SUGCT: variants seen among roughly 807,000 people sequenced by gnomAD.
SUGCT encodes the protein succinyl-CoA:glutarate-CoA transferase.
SUGCT carries 41 observed loss-of-function variants against 55.0 expected under a neutral mutation model. That is an observed-to-expected ratio of 0.74 (90% CI 0.58 to 0.97). The LOEUF is 0.97. Ranked by LOEUF, SUGCT falls within the 50% of genes least tolerant of loss-of-function variation. SUGCT has a pLI of 0.00. For missense variants in SUGCT, 568 were observed against 547.8 expected (o/e 1.04, Z -0.37); for synonymous variants, 187 against 200.4 (o/e 0.93, Z 0.56).
At chr7:40,306,081 C>T (rs1794838758) in intron 8 of SUGCT, among the ~76,000 whole-genome samples, 1 of 152,174 alleles carries the variant, frequency 6.6e-6, no homozygotes, top group Admixed American at 6.5e-5. Context: ...CTCTGAGATA[C>T]CCCTTTGGCT....
intron 9 of SUGCT, among the ~76,000 whole-genome samples, chr7:40,408,226 A>G (rs555521150): frequency 6.6e-6 from 1 of 152,342 alleles, no homozygotes; most frequent in East Asian, 1.9e-4. Flanking sequence ...TATCATATAT[A>G]TTGGAGCTAC....
intron 12 of SUGCT, among the ~76,000 whole-genome samples, chr7:40,699,079 G>C (rs957911646): frequency 6.6e-6 from 1 of 152,146 alleles, no homozygotes; most frequent in Non-Finnish European, 1.5e-5. Flanking sequence ...GTTACAGGGT[G>C]GGGGAGGCAC....
intron 12 of SUGCT, among the ~76,000 whole-genome samples, chr7:40,661,752 C>G (rs1015458478): frequency 2.0e-5 from 3 of 152,162 alleles, no homozygotes; most frequent in Non-Finnish European, 4.4e-5. Context: ...TCTTCTGAAA[C>G]ATGGTCTTTT....
chr7:40,995,682 A>C, the SUGCT span, among the ~76,000 whole-genome samples: 1 of 151,734 alleles, frequency 6.6e-6, no homozygotes, highest in Non-Finnish European at 1.5e-5. Context: ...TCATCACTAT[A>C]ATCATCACGT....
At chr7:40,528,179 C>T (rs1793904885) in intron 12 of SUGCT, among the ~76,000 whole-genome samples, 1 of 152,036 alleles carries the variant, frequency 6.6e-6, no homozygotes, top group Non-Finnish European at 1.5e-5. Context: ...CCTGCAATGC[C>T]CTTAGAACAA....
chr7:40,963,192 T>C, the SUGCT span, among the ~76,000 whole-genome samples: 10 of 152,280 alleles, frequency 6.6e-5, no homozygotes, highest in African/African-American at 2.4e-4. Flanking sequence ...AATATTGGTT[T>C]TTTTTTTGTA....
intron 12 of SUGCT, among the ~76,000 whole-genome samples, chr7:40,685,224 G>T (rs1052240926): frequency 6.6e-6 from 1 of 152,026 alleles, no homozygotes; most frequent in Non-Finnish European, 1.5e-5. Context: ...TTCTGTGTTT[G>T]TTCTAGTAAT....
chr7:40,962,455 A>G, the SUGCT span, among the ~76,000 whole-genome samples: 2 of 152,070 alleles, frequency 1.3e-5, no homozygotes, highest in African/African-American at 4.8e-5. Context: ...GTTTGCCTCA[A>G]GTGGACAGTT....
chr7:40,606,996 TA>T (rs564601975), intron 12 of SUGCT, among the ~76,000 whole-genome samples: 206 of 152,298 alleles, frequency 1.4e-3, no homozygotes, highest in African/African-American at 4.8e-3. Flanking sequence ...TCTAACCTTT[TA>T]ATTAGGAGGG....
intron 12 of SUGCT, among the ~76,000 whole-genome samples, chr7:40,694,312 A>G (rs1417393271): frequency 1.3e-5 from 2 of 152,208 alleles, no homozygotes; most frequent in Admixed American, 1.3e-4. Context: ...GATGGTTTGC[A>G]AAGCATGTGA....
At chr7:40,992,043 A>G in the SUGCT span, among the ~76,000 whole-genome samples, 4 of 152,234 alleles carry the variant, frequency 2.6e-5, no homozygotes, top group Middle Eastern at 3.4e-3. Context: ...CAAGTTTATT[A>G]AGCAAGTAAA....
chr7:40,604,397 C>T (rs1798429665), intron 12 of SUGCT, among the ~76,000 whole-genome samples: 1 of 152,100 alleles, frequency 6.6e-6, no homozygotes, highest in African/African-American at 2.4e-5. Flanking sequence ...GGCCCTTCCT[C>T]TTACATAGAT....
intron 10 of SUGCT, among the ~76,000 whole-genome samples, chr7:40,455,536 GA>G (rs1336975517): frequency 3.3e-5 from 5 of 152,108 alleles, no homozygotes; most frequent in Non-Finnish European, 7.4e-5. Context: ...CTAATGAAAA[GA>G]AAACTGGAGT....
chr7:40,503,530 G>T (rs1313399879), intron 12 of SUGCT, among the ~76,000 whole-genome samples: 1 of 152,038 alleles, frequency 6.6e-6, no homozygotes, highest in Non-Finnish European at 1.5e-5. Context: ...TTTAAAACAT[G>T]CATAGAGATT....
chr7:40,941,850 C>T, the SUGCT span, among the ~76,000 whole-genome samples: 8 of 152,072 alleles, frequency 5.3e-5, no homozygotes, highest in African/African-American at 1.9e-4. Context: ...CTGTTGTTGC[C>T]TTAAAATCTG....
intron 13 of SUGCT, among the ~76,000 whole-genome samples, chr7:40,852,012 T>C (rs894460246): frequency 6.6e-6 from 1 of 152,218 alleles, no homozygotes; most frequent in African/African-American, 2.4e-5. Flanking sequence ...GGTAAATGAC[T>C]TCTGATTTTA....
At chr7:40,794,018 A>AT (rs34195626) in intron 13 of SUGCT, among the ~76,000 whole-genome samples, 1 of 151,488 alleles carries the variant, frequency 6.6e-6, no homozygotes, top group African/African-American at 2.4e-5. Context: ...TTATAGAGTG[A>AT]TTTTTTTTCT....
At chr7:40,814,152 G>C (rs1285531158) in intron 13 of SUGCT, among the ~76,000 whole-genome samples, 1 of 152,002 alleles carries the variant, frequency 6.6e-6, no homozygotes, top group Admixed American at 6.6e-5. Context: ...TGTCGACCTC[G>C]GATAGCCTAG....
chr7:40,205,560 G>A (rs1289018147), intron 6 of SUGCT, among the ~76,000 whole-genome samples: 1 of 142,976 alleles, frequency 7.0e-6, no homozygotes, highest in African/African-American at 2.6e-5. Context: ...AGAATCACTT[G>A]AACCCTGGAG....
Sources: gnomAD v4.1 joint callset for allele counts (sites outside exome capture counted in the v4.1 genomes callset) on GRCh38, gnomAD v4.1.1 for gene constraint, MANE v1.5 for transcripts, NCBI Gene and HGNC (gene_info 2026-07-23, HGNC 2026-07-21) for gene names.